The following RNF2 variants were observed in gnomAD, a reference collection of about 807,000 sequenced individuals.
The protein encoded by RNF2 is E3 ubiquitin-protein ligase RING2.
Under a neutral mutation model 37.2 loss-of-function variants are expected in RNF2, and 6 were observed. That is an observed-to-expected ratio of 0.16 (90% CI 0.09 to 0.32). RNF2 has a LOEUF of 0.32. Among genes scored for constraint, RNF2 ranks in the 10% least tolerant of loss-of-function variants. The pLI is 1.00. For missense variants in RNF2, 251 were observed against 404.0 expected (o/e 0.62, Z 3.25); for synonymous variants, 133 against 132.7 (o/e 1.00, Z -0.02).
chr1:185,058,668 T>C (rs1650510874), intron 1 of RNF2, among the ~76,000 whole-genome samples: 1 of 152,256 alleles, frequency 6.6e-6, no homozygotes, highest in African/African-American at 2.4e-5. Context: ...TTCTTTATTG[T>C]GTTATGGTTT....
chr1:185,050,846 C>A (rs981806667), intron 1 of RNF2, among the ~76,000 whole-genome samples: 5 of 152,186 alleles, frequency 3.3e-5, no homozygotes, highest in Admixed American at 6.5e-5. Flanking sequence ...AAATAAAATT[C>A]TCTCCTACTT....
At chr1:185,095,803 T>C (rs566743843) in intron 4 of RNF2, among the ~76,000 whole-genome samples, 1 of 149,858 alleles carries the variant, frequency 6.7e-6, no homozygotes, top group Non-Finnish European at 1.5e-5. Context: ...CTTCTGTGTT[T>C]ACAAATATTT....
At chr1:185,048,511 C>T (rs567596156) in intron 1 of RNF2, among the ~76,000 whole-genome samples, 3 of 152,244 alleles carry the variant, frequency 2.0e-5, no homozygotes, top group African/African-American at 7.2e-5. Context: ...ATCAGTTTAT[C>T]TGTATTAAGT....
chr1:185,070,605 A>G (rs921102409), intron 1 of RNF2, among the ~76,000 whole-genome samples: 1 of 148,814 alleles, frequency 6.7e-6, no homozygotes, highest in Non-Finnish European at 1.5e-5. Context: ...TCTTTGCTAC[A>G]TCTAACTTCT....
At chr1:185,091,444 T>G in intron 2 of RNF2, 135 bp from the exon 3 acceptor site, 1 of 743,394 alleles carries the variant, frequency 1.3e-6, no homozygotes, top group Non-Finnish European at 2.1e-6. Context: ...AAATTAGCTG[T>G]GAGTTGACAA....
chr1:185,083,910 CT>C (rs765301806), intron 1 of RNF2, among the ~76,000 whole-genome samples: 458 of 121,320 alleles, frequency 3.8e-3, no homozygotes, highest in Middle Eastern at 9.3e-3. Flanking sequence ...CCTGGCCTAC[CT>C]TTTTTTTTTT....
intron 1 of RNF2, among the ~76,000 whole-genome samples, chr1:185,057,906 C>T (rs1650482271): frequency 6.6e-6 from 1 of 151,958 alleles, no homozygotes; most frequent in Non-Finnish European, 1.5e-5. Context: ...GGATGGGTCA[C>T]TTGAGCCCAG....
chr1:185,057,438 T>G (rs1014828229), intron 1 of RNF2, among the ~76,000 whole-genome samples: 2 of 152,182 alleles, frequency 1.3e-5, no homozygotes, highest in Non-Finnish European at 2.9e-5. Context: ...TTGTGGTTCG[T>G]TTATAAGTTT....
intron 1 of RNF2, among the ~76,000 whole-genome samples, chr1:185,075,081 A>C (rs1281800742): frequency 2.0e-5 from 3 of 151,898 alleles, no homozygotes; most frequent in Non-Finnish European, 4.4e-5. Context: ...TGCAACCTAC[A>C]CCTTCCGGGT....
At chr1:185,075,435 T>A (rs899549342) in intron 1 of RNF2, among the ~76,000 whole-genome samples, 3 of 152,244 alleles carry the variant, frequency 2.0e-5, no homozygotes, top group African/African-American at 7.2e-5. Context: ...CCCAGAACTT[T>A]GCCAATGGTT....
Position 185,091,570 on chromosome 1 carries a change from C to G in RNF2, c.88-9C>G, listed in dbSNP as rs1417914964. The stretch of plus-strand genomic sequence containing the variant: ...AGTAGCTTTTAATTTTAAAGTGACT[C>G]TTTTACAGGAGGCAATAACAGATGG... On this transcript the variant is annotated splice_polypyrimidine_tract_variant and intron_variant, in intron 2 of 6. Coordinates refer to ENST00000367510, the MANE Select transcript of RNF2 (RefSeq NM_007212.4). 2 of 1,611,532 alleles carry G rather than the reference C, an allele frequency of 1.2e-6. No homozygotes were observed. The highest frequency in any genetic ancestry group is 3.4e-5 in the Admixed American group (2 of 59,632).
Position 185,084,247 on chromosome 1 carries a change from TAGCTC to T in RNF2, c.-2-3301_-2-3297del, listed in dbSNP as rs777141361. 8.5e-5 allele frequency among the ~76,000 whole-genome samples: 13 copies of T among 152,290 alleles called. No individual in the cohort carries two copies. The East Asian group carries it at 2.1e-3, about 25-fold the overall frequency. On this transcript the variant is annotated intron_variant, in intron 1 of 6. Coordinates refer to ENST00000367510, the MANE Select transcript of RNF2 (RefSeq NM_007212.4). ...CTAGCTATCTGTTGGCTTTAATTGT[TAGCTC>T]AGCCTTAAACCATGCCTTAATTCAG...
intron 2 of RNF2, among the ~76,000 whole-genome samples, chr1:185,088,591 A>G (rs1651672528): frequency 1.3e-5 from 2 of 151,794 alleles, no homozygotes; most frequent in South Asian, 4.2e-4. Context: ...TATTTCAAGG[A>G]GGATGTAGTT....
chr1:185,061,496 A>G (rs1002503616), intron 1 of RNF2, among the ~76,000 whole-genome samples: 5 of 152,276 alleles, frequency 3.3e-5, no homozygotes, highest in Middle Eastern at 3.4e-3. Context: ...GGCCAACAGT[A>G]TAGAGGAAAA....
chr1:185,100,281 C>T lies in RNF2; in HGVS notation c.991C>T (p.Pro331Ser). The change falls in exon 7 of 7, where the codon CCT becomes TCT. Residue 331 changes from proline (P) to serine (S), a missense_variant. Physicochemically the swap from Pro to Ser is moderately conservative, Grantham distance 74. Coordinates refer to ENST00000367510, the MANE Select transcript of RNF2 (RefSeq NM_007212.4). ...VNKPMELYYA[P>S]TKEHK is the part of the protein sequence containing the mutation. Reference sequence around the variant, plus strand: ...CAAACCCATGGAACTTTATTACGCACCTACAAAGGAGCACAAATGAGCCTT... The same window carrying T: ...CAAACCCATGGAACTTTATTACGCATCTACAAAGGAGCACAAATGAGCCTT... 3.7e-6 allele frequency: 6 copies of T among 1,609,710 alleles called. No homozygotes were observed. Among genetic ancestry groups the T allele is most frequent in the Non-Finnish European group, 5.1e-6 (6 of 1,178,392 alleles).
At chr1:185,100,104 A>G in intron 6 of RNF2, 96 bp from the exon 7 acceptor site, 5 of 1,177,788 alleles carry the variant, frequency 4.2e-6, no homozygotes, top group Admixed American at 5.2e-5. Flanking sequence ...CTAAGATTTG[A>G]AAAAAAAAGA....
intron 1 of RNF2, among the ~76,000 whole-genome samples, chr1:185,077,060 G>A (rs542320032): frequency 6.6e-6 from 1 of 152,084 alleles, no homozygotes; most frequent in South Asian, 2.1e-4. Flanking sequence ...TATAAATTTT[G>A]TTGCTATCGT....
At chr1:185,083,822 G>T (rs1009637297) in intron 1 of RNF2, among the ~76,000 whole-genome samples, 5 of 151,094 alleles carry the variant, frequency 3.3e-5, no homozygotes, top group African/African-American at 1.2e-4. Flanking sequence ...GCCCAGGCTG[G>T]TCTCAAACTC....
chr1:185,050,751 TA>T (rs1206779902), intron 1 of RNF2, among the ~76,000 whole-genome samples: 1 of 152,214 alleles, frequency 6.6e-6, no homozygotes, highest in African/African-American at 2.4e-5. Flanking sequence ...ATAGTACCAA[TA>T]GGTGATCTAA....
Sources: gnomAD v4.1 joint callset for allele counts (sites outside exome capture counted in the v4.1 genomes callset) on GRCh38, gnomAD v4.1.1 for gene constraint, MANE v1.5 for transcripts, NCBI Gene and HGNC (gene_info 2026-07-23, HGNC 2026-07-21) for gene names.